Variants in DENND2D observed in about 807,000 individuals in gnomAD.
The protein encoded by DENND2D is DENN domain containing 2D, also known as DENN domain-containing protein 2D.
Under a neutral mutation model 59.8 loss-of-function variants are expected in DENND2D, and 37 were observed. The ratio of observed to expected loss-of-function variants is 0.62; its 90% CI spans 0.48 to 0.81. DENND2D has a LOEUF of 0.81. DENND2D is among the 40% of genes least tolerant of loss of function. The pLI is 0.00. For missense variants in DENND2D, 525 were observed against 579.7 expected, an observed-to-expected ratio of 0.91 and a Z score of 0.97; for synonymous variants, 219 against 211.3, an observed-to-expected ratio of 1.04 and a Z score of -0.31.
In DENND2D at chr1:111,188,416, A is replaced by C. The variant is rs751296684; in HGVS notation, c.1100-46T>G. 24 of 1,597,920 alleles carry C rather than the reference A, an allele frequency of 1.5e-5. No homozygotes were observed. The East Asian group carries it at 5.4e-4, about 36-fold the overall frequency. The stretch of plus-strand genomic sequence containing the variant: ...ATCTCAGAGGGTAGCAGAAGGATGA[A>C]ATTACCCAAACTCACCTTCAAGAAT... On this transcript the variant is annotated intron_variant, in intron 10 of 11. Coordinates refer to ENST00000357640, the MANE Select transcript of DENND2D (RefSeq NM_024901.5).
chr1:111,192,263 C>T lies in DENND2D; in HGVS notation c.849G>A (p.Trp283Ter). The change falls in exon 8 of 12, where the codon TGG becomes TGA. Residue 283 changes from tryptophan (W) to a stop codon, truncating the protein, a stop_gained. Coordinates refer to ENST00000357640, the MANE Select transcript of DENND2D (RefSeq NM_024901.5). LOFTEE classifies it high-confidence loss of function. ...AAAALLYPFSWAHTYIPVVPE... is the reference protein window; with the variant it reads ...AAAALLYPFS ...GGACAACAGGGATGTAGGTGTGCGC[C>T]CAGCTGAAGGGGTAGAGCAGTGCGG... 1 of 1,613,802 alleles carries T rather than the reference C, an allele frequency of 6.2e-7. No individual in the cohort carries two copies. Among genetic ancestry groups the T allele is most frequent in the South Asian group, 1.1e-5 (1 of 91,040 alleles).
chr1:111,204,456 G>A (rs1659117536), upstream of DENND2D: 2 of 1,194,588 alleles, frequency 1.7e-6, no homozygotes, highest in African/African-American at 1.6e-5. Flanking sequence ...GCGGGGGGAG[G>A]CCTAGGGGAC....
Position 111,186,708 on chromosome 1 carries a change from G to T in DENND2D, c.*897C>A, listed in dbSNP as rs1288682775. 6.6e-6 allele frequency among the ~76,000 whole-genome samples: 1 copy of T among 152,284 alleles called. No homozygotes were observed. The highest frequency in any genetic ancestry group is 1.9e-4 in the East Asian group (1 of 5,190). On this transcript the variant is annotated 3_prime_UTR_variant, in exon 12 of 12. Transcript: ENST00000357640. ...AGCGATCCCTTCACCTTTAGTTAAA[G>T]AATTGGACTGTGCTGCTCAAAATAA...
At chr1:111,191,184 T>G (rs1470687137) in intron 8 of DENND2D, among the ~76,000 whole-genome samples, 2 of 152,202 alleles carry the variant, frequency 1.3e-5, no homozygotes, top group Non-Finnish European at 2.9e-5. Context: ...TCAAAGGGCA[T>G]GTGTACTCAG....
At chr1:111,196,330 T>G in intron 5 of DENND2D, 1 of 278,342 alleles carries the variant, frequency 3.6e-6, no homozygotes, top group Non-Finnish European at 6.8e-6. Context: ...TCCCCTCTCC[T>G]AACACCAACA....
chr1:111,200,346 T>C, intron 1 of DENND2D, 47 bp downstream of exon 1: 1 of 1,592,912 alleles, frequency 6.3e-7, no homozygotes, highest in Non-Finnish European at 8.6e-7. Context: ...CAGTCCCGCC[T>C]AAGAGGGTCA....
chr1:111,199,990 T>C, intron 1 of DENND2D, 192 bp from the exon 2 acceptor site: 1 of 683,462 alleles, frequency 1.5e-6, no homozygotes, highest in Non-Finnish European at 2.4e-6. Flanking sequence ...CCTGGTAGAC[T>C]TGAAACCATG....
At chr1:111,194,752 G>A (rs1037105676) in intron 6 of DENND2D, 26 bp from the exon 7 acceptor site, 5 of 1,612,380 alleles carry the variant, frequency 3.1e-6, no homozygotes, top group East Asian at 4.5e-5. Flanking sequence ...AGAGAGAGAA[G>A]GTGTCACTAT....
chr1:111,189,417 T>G, intron 8 of DENND2D, 164 bp from the exon 9 acceptor site: 3 of 691,366 alleles, frequency 4.3e-6, no homozygotes, highest in Non-Finnish European at 7.5e-6. Context: ...TTTCTCACCA[T>G]TCCCCTCTGG....
intron 11 of DENND2D, 64 bp downstream of exon 11, chr1:111,188,067 C>T (rs1657381407): frequency 4.4e-6 from 7 of 1,573,616 alleles, no homozygotes; most frequent in Non-Finnish European, 5.2e-6. Flanking sequence ...TTCTTTCTTT[C>T]CCCTCCTCTT....
chr1:111,187,640 T>TCTTCTGTTC lies in DENND2D; in HGVS notation c.1372_1380dup (p.Glu458_Lys460dup). Reference sequence around the variant, plus strand: ...GTTTTTTCCCTTGGTTTCTTCTGTTTCTTCTGTTCCTCATATTCAAGTATT... The same window carrying TCTTCTGTTC: ...GTTTTTTCCCTTGGTTTCTTCTGTTTCTTCTGTTCCTTCTGTTCCTCATATTCAAGTATT... On this transcript the variant is annotated inframe_insertion, in exon 12 of 12. Coordinates refer to ENST00000357640, the MANE Select transcript of DENND2D (RefSeq NM_024901.5). 1 of 1,613,994 alleles carries TCTTCTGTTC rather than the reference T, an allele frequency of 6.2e-7. No individual in the cohort carries two copies. Among genetic ancestry groups the TCTTCTGTTC allele is most frequent in the Non-Finnish European group, 8.5e-7 (1 of 1,179,900 alleles).
At chr1:111,204,206 C>T (rs947660774), upstream of DENND2D, 1 of 1,313,020 alleles carries the variant, frequency 7.6e-7, no homozygotes, top group Non-Finnish European at 9.8e-7. Flanking sequence ...ACGCCCCGTG[C>T]CGCCCTCCAC....
chr1:111,196,652 G>T lies in DENND2D; in HGVS notation c.504+524C>A, dbSNP rs550638704. 25 of 161,930 alleles carry T rather than the reference G, an allele frequency of 1.5e-4. No homozygotes were observed. The South Asian group carries it at 2.0e-3, about 13-fold the overall frequency. 10.0% of individuals were successfully genotyped at this position (161,930 alleles called of 1,614,324 possible). On this transcript the variant is annotated intron_variant, in intron 5 of 11. Coordinates refer to ENST00000357640, the MANE Select transcript of DENND2D (RefSeq NM_024901.5). The stretch of plus-strand genomic sequence containing the variant: ...GGATGGCATGGCCCCCATGGATTCT[G>T]CTCAAATTCTGTCTCAGATGCACTG...
At chr1:111,197,873 G>A in intron 4 of DENND2D, 47 bp downstream of exon 4, 1 of 1,612,298 alleles carries the variant, frequency 6.2e-7, no homozygotes, top group Non-Finnish European at 8.5e-7. Flanking sequence ...CAGCCGTGGA[G>A]CTGAGCAGAC....
chr1:111,202,891 C>T (rs1013610710), upstream of DENND2D, among the ~76,000 whole-genome samples: 9 of 152,104 alleles, frequency 5.9e-5, no homozygotes, highest in Non-Finnish European at 4.4e-5. Context: ...GGAAGCTCCT[C>T]CAGGCACAAT....
chr1:111,199,546 G>A (rs1189029008), intron 2 of DENND2D, 77 bp downstream of exon 2: 2 of 1,495,560 alleles, frequency 1.3e-6, no homozygotes, highest in African/African-American at 2.8e-5. Context: ...TAGGGAGAAG[G>A]AGGTGGAACC....
chr1:111,196,155 C>A, intron 5 of DENND2D, 99 bp from the exon 6 acceptor site: 1 of 1,422,816 alleles, frequency 7.0e-7, no homozygotes, highest in Admixed American at 2.5e-5. Flanking sequence ...TGTTCTCATA[C>A]TGGTTCAGCT....
At chr1:111,188,521 T>C in intron 10 of DENND2D, 151 bp from the exon 11 acceptor site, 1 of 1,307,806 alleles carries the variant, frequency 7.6e-7, no homozygotes. Flanking sequence ...GGAATCTGGG[T>C]ATGAGTTCTC....
chr1:111,200,294 A>C, intron 1 of DENND2D, 99 bp downstream of exon 1: 5 of 1,490,848 alleles, frequency 3.4e-6, no homozygotes, highest in Non-Finnish European at 4.6e-6. Flanking sequence ...GTGGAGGCCG[A>C]GATATAAAGG....
Sources: allele counts gnomAD v4.1 joint callset (sites outside exome capture counted in the v4.1 genomes callset), GRCh38; gene constraint gnomAD v4.1.1; transcripts MANE v1.5; gene names NCBI Gene and HGNC (gene_info 2026-07-23, HGNC 2026-07-21).